The following SORL1 variants were observed in gnomAD, a reference collection of about 807,000 sequenced individuals.
SORL1 encodes sortilin-related receptor.
A neutral mutation model predicts 273.7 loss-of-function variants in SORL1; 127 were observed. The observed-to-expected ratio is 0.46, with a 90% CI of 0.40 to 0.54. The LOEUF (loss-of-function observed/expected upper bound fraction) is 0.54. Among genes scored for constraint, SORL1 ranks in the 20% least tolerant of loss-of-function variants. SORL1 has a pLI of 0.00. For synonymous variants in SORL1, 1,031 were observed against 1,067.4 expected (o/e 0.97, Z 0.66); for missense variants, 2,494 against 2,846.1 (o/e 0.88, Z 2.81).
intron 6 of SORL1, among the ~76,000 whole-genome samples, chr11:121,499,068 C>A (rs1299384542): frequency 6.6e-6 from 1 of 152,096 alleles, no homozygotes. Context: ...GTGCCTTGCG[C>A]TATGTTTGAT....
intron 1 of SORL1, among the ~76,000 whole-genome samples, chr11:121,469,038 T>C (rs1861131208): frequency 6.6e-6 from 1 of 152,160 alleles, no homozygotes; most frequent in Non-Finnish European, 1.5e-5. Context: ...GAGTTGAGGC[T>C]CCGGGTTATG....
At chr11:121,519,889 T>C (rs558388164) in intron 8 of SORL1, among the ~76,000 whole-genome samples, 2 of 152,310 alleles carry the variant, frequency 1.3e-5, no homozygotes, top group Non-Finnish European at 1.5e-5. Flanking sequence ...CTAAACCCCC[T>C]GTTAGGAATT....
chr11:121,453,444 A>G (rs1461447164), intron 1 of SORL1, among the ~76,000 whole-genome samples: 5 of 152,186 alleles, frequency 3.3e-5, no homozygotes, highest in Admixed American at 1.3e-4. Context: ...AGCACTGGCA[A>G]AATTAATTTG....
intron 2 of SORL1, among the ~76,000 whole-genome samples, chr11:121,475,930 A>G (rs1281604352): frequency 2.6e-5 from 4 of 152,200 alleles, no homozygotes; most frequent in Non-Finnish European, 5.9e-5. Context: ...TTCATCCTAG[A>G]AATCTTTGTT....
Position 121,541,203 on chromosome 11 carries a change from C to CTT in SORL1, c.1686-2330_1686-2329dup, listed in dbSNP as rs35609606. Among the ~76,000 whole-genome samples, 146 of 127,182 alleles carry CTT rather than the reference C, an allele frequency of 1.1e-3. 1 individual carries two copies. The highest frequency in any genetic ancestry group is 3.7e-3 in the South Asian group (14 of 3,822). The allele number at this position is 127,182 out of a possible 152,430, so 83.4% of individuals were successfully genotyped here. A position where few individuals can be genotyped will look rare whatever the true frequency, so the allele number is the denominator to read the frequency against. ...ACCCCTAGCCTTTTTGTAGCAGTATCTTTTTTTTTTTTTTTTAAGGCAGGG... is the reference window on the plus strand; with the variant it reads ...ACCCCTAGCCTTTTTGTAGCAGTATCTTTTTTTTTTTTTTTTTTAAGGCAGGG... On this transcript the variant is annotated intron_variant, in intron 12 of 47. Coordinates refer to ENST00000260197, the MANE Select transcript of SORL1 (RefSeq NM_003105.6).
At chr11:121,553,310 C>T (rs1425295904) in intron 16 of SORL1, among the ~76,000 whole-genome samples, 1 of 152,182 alleles carries the variant, frequency 6.6e-6, no homozygotes, top group East Asian at 1.9e-4. Flanking sequence ...GCACATTATA[C>T]ACAATATGTA....
At chr11:121,478,907 G>T (rs112937577) in intron 3 of SORL1, among the ~76,000 whole-genome samples, 24 of 151,384 alleles carry the variant, frequency 1.6e-4, no homozygotes, top group African/African-American at 5.3e-4. Context: ...TGTGTGTGCA[G>T]ATACCTGTGT....
intron 5 of SORL1, among the ~76,000 whole-genome samples, chr11:121,496,413 A>G (rs1294874849): frequency 6.6e-6 from 1 of 152,206 alleles, no homozygotes; most frequent in East Asian, 1.9e-4. Flanking sequence ...GGGCAGCGTC[A>G]CTTGGAAGGA....
At chr11:121,548,231 CT>C (rs969768905) in intron 14 of SORL1, among the ~76,000 whole-genome samples, 8 of 152,192 alleles carry the variant, frequency 5.3e-5, no homozygotes, top group Non-Finnish European at 8.8e-5. Context: ...GGGGAAGAAT[CT>C]AGTCTTGGGC....
At chr11:121,458,842 G>A (rs2134766024) in intron 1 of SORL1, among the ~76,000 whole-genome samples, 1 of 152,214 alleles carries the variant, frequency 6.6e-6, no homozygotes, top group South Asian at 2.1e-4. Flanking sequence ...GAGATGCTCA[G>A]TTTTTTTTAA....
rs1001445118 is a variant in SORL1, at chr11:121,545,391, C to G, written c.2013C>G (p.Val671=). ...GAGAGGACTTTGACAGGCCGGTGGTCGTGTCCAACTGCTCCTGCACCCGGG... is the reference window on the plus strand; with the variant it reads ...GAGAGGACTTTGACAGGCCGGTGGTGGTGTCCAACTGCTCCTGCACCCGGG... ...FNGEDFDRPV[V]VSNCSCTRED... The change falls in exon 14 of 48, where the codon GTC becomes GTG. Residue 671 remains valine (V), a synonymous_variant. Coordinates refer to ENST00000260197, the MANE Select transcript of SORL1 (RefSeq NM_003105.6). 4.3e-6 allele frequency: 7 copies of G among 1,613,956 alleles called. No homozygotes were observed. In the African/African-American group the frequency reaches 8.0e-5, roughly 18 times the overall value.
chr11:121,457,419 A>C (rs940142832), intron 1 of SORL1, among the ~76,000 whole-genome samples: 1 of 152,184 alleles, frequency 6.6e-6, no homozygotes, highest in African/African-American at 2.4e-5. Flanking sequence ...ATATTTTTGT[A>C]TATCTTTCCA....
In SORL1 at chr11:121,577,444, G is replaced by C. The variant is rs369873016; in HGVS notation, c.3580+44G>C. 7.5e-4 allele frequency: 1,140 copies of C among 1,522,844 alleles called. 16 individuals are homozygous for C. The South Asian group carries it at 0.014, about 19-fold the overall frequency. The allele number at this position is 1,522,844 out of a possible 1,614,324, so 94.3% of individuals were successfully genotyped here. A position where few individuals can be genotyped will look rare whatever the true frequency, so the allele number is the denominator to read the frequency against. On this transcript the variant is annotated intron_variant, in intron 25 of 47. Transcript: ENST00000260197. Reference sequence around the variant, plus strand: ...CAGTTGACAGCACTCATCCGTTCATGCAGTGGTTAACATTATAGCTTTAAA... The same window carrying C: ...CAGTTGACAGCACTCATCCGTTCATCCAGTGGTTAACATTATAGCTTTAAA...
At chr11:121,557,273 C>T in intron 18 of SORL1, 41 bp from the exon 19 acceptor site, 3 of 1,441,286 alleles carry the variant, frequency 2.1e-6, no homozygotes, top group Non-Finnish European at 2.9e-6. Context: ...CTTTAAGGAG[C>T]TCCGATCCAT....
chr11:121,589,589 GTT>G (rs1186121325), intron 29 of SORL1, among the ~76,000 whole-genome samples, 199 bp downstream of exon 29: 1 of 152,196 alleles, frequency 6.6e-6, no homozygotes, highest in Admixed American at 6.5e-5. Flanking sequence ...CTAGGGAAAA[GTT>G]TATTTGATCT....
At position 121,619,693 on chromosome 11, in the gene SORL1, AATAAAGATTGC is replaced by A. The variant is rs891873641; in HGVS notation, c.5725-55_5725-45del. 5.3e-5 allele frequency: 66 copies of A among 1,249,576 alleles called. No individual in the cohort carries two copies. In the African/African-American group the frequency reaches 8.0e-4, roughly 15 times the overall value. The allele number at this position is 1,249,576 out of a possible 1,614,324, so 77.4% of individuals were successfully genotyped here. On this transcript the variant is annotated intron_variant, in intron 42 of 47. Transcript: ENST00000260197. Reference sequence around the variant, plus strand: ...CATTATTTTGTTGAAAAAATACTTTAATAAAGATTGCATAAGGCCATGATGTATTTTTTTTC... The same window carrying A: ...CATTATTTTGTTGAAAAAATACTTTAATAAGGCCATGATGTATTTTTTTTC...
chr11:121,573,344 G>C (rs1456313487), intron 23 of SORL1, among the ~76,000 whole-genome samples: 1 of 152,212 alleles, frequency 6.6e-6, no homozygotes, highest in African/African-American at 2.4e-5. Context: ...GGGCGTGGTG[G>C]CTCATGCCTG....
At chr11:121,564,787 G>A (rs1862730009) in intron 21 of SORL1, among the ~76,000 whole-genome samples, 1 of 151,892 alleles carries the variant, frequency 6.6e-6, no homozygotes, top group Admixed American at 6.6e-5. Context: ...TGCTCAGGGT[G>A]GTCTCGAACT....
intron 6 of SORL1, among the ~76,000 whole-genome samples, chr11:121,501,330 A>AT (rs1313580626): frequency 6.6e-6 from 1 of 152,176 alleles, no homozygotes; most frequent in African/African-American, 2.4e-5. Context: ...AATTCCAAAT[A>AT]TTTTTATCAC....
Sources: gnomAD v4.1 joint callset for allele counts (sites outside exome capture counted in the v4.1 genomes callset) on GRCh38, gnomAD v4.1.1 for gene constraint, MANE v1.5 for transcripts, NCBI Gene and HGNC (gene_info 2026-07-23, HGNC 2026-07-21) for gene names.